Variants in RANBP2 observed in about 807,000 individuals in gnomAD.
RANBP2 encodes E3 SUMO-protein ligase RanBP2.
In RANBP2, 57 loss-of-function variants were observed where a neutral mutation model predicts 303.6. The observed-to-expected ratio is 0.19, with a 90% CI of 0.15 to 0.23. The LOEUF (loss-of-function observed/expected upper bound fraction) is 0.23, where lower values mean the gene tolerates loss of function less well. Among genes scored for constraint, RANBP2 ranks in the 10% least tolerant of loss-of-function variants. The pLI is 1.00. For missense variants in RANBP2, 3,138 were observed against 3,780.8 expected, an observed-to-expected ratio of 0.83 and a Z score of 4.46; for synonymous variants, 1,167 against 1,301.5, an observed-to-expected ratio of 0.90 and a Z score of 2.23.
chr2:109,380,598 G>A, the RANBP2 span, among the ~76,000 whole-genome samples: 9 of 152,224 alleles, frequency 5.9e-5, no homozygotes, highest in African/African-American at 2.2e-4. Flanking sequence ...CAGCCTCCCT[G>A]GGAGCTTCTG....
chr2:109,502,657 C>G, the RANBP2 span: 1 of 152,134 alleles, frequency 6.6e-6, no homozygotes, highest in Non-Finnish European at 1.5e-5. Flanking sequence ...TCTGTCTAGA[C>G]GGTGATGATT....
At chr2:109,541,036 A>G in the RANBP2 span, among the ~76,000 whole-genome samples, 4 of 152,202 alleles carry the variant, frequency 2.6e-5, no homozygotes, top group African/African-American at 7.2e-5. Flanking sequence ...TCTGGTTGTC[A>G]TACCTGTGCT....
chr2:108,797,203 A>G, the RANBP2 span, among the ~76,000 whole-genome samples: 2 of 152,200 alleles, frequency 1.3e-5, no homozygotes, highest in African/African-American at 2.4e-5. Context: ...AGCCCAAATC[A>G]TAAGGAATAT....
chr2:109,400,258 CA>C, the RANBP2 span, among the ~76,000 whole-genome samples: 4 of 151,638 alleles, frequency 2.6e-5, no homozygotes, highest in African/African-American at 9.7e-5. Flanking sequence ...GACACTTGAG[CA>C]CATGCCCGCC....
chr2:109,108,062 C>G, the RANBP2 span, among the ~76,000 whole-genome samples: 1 of 152,132 alleles, frequency 6.6e-6, no homozygotes, highest in African/African-American at 2.4e-5. Flanking sequence ...CCTGCCACCA[C>G]GCCCGGCCAG....
chr2:109,348,013 C>G, the RANBP2 span: 2 of 1,526,760 alleles, frequency 1.3e-6, no homozygotes, highest in South Asian at 2.5e-5. Flanking sequence ...CAGGGCTCTT[C>G]CCAGCCACAG....
the RANBP2 span, among the ~76,000 whole-genome samples, chr2:109,648,393 C>T: frequency 6.6e-6 from 1 of 152,128 alleles, no homozygotes; most frequent in Non-Finnish European, 1.5e-5. Flanking sequence ...CTCTTGTTGC[C>T]CAGGCTGGAA....
the RANBP2 span, among the ~76,000 whole-genome samples, chr2:108,836,964 A>G: frequency 6.6e-6 from 1 of 151,706 alleles, no homozygotes; most frequent in African/African-American, 2.4e-5. Context: ...TAATTGTGGA[A>G]TCTTTAGGAC....
the RANBP2 span, among the ~76,000 whole-genome samples, chr2:109,308,080 A>G: frequency 6.8e-6 from 1 of 146,406 alleles, no homozygotes; most frequent in Non-Finnish European, 1.5e-5. Context: ...CCTCTCCAGC[A>G]CCTGTTGTTT....
chr2:109,576,857 A>T, the RANBP2 span, among the ~76,000 whole-genome samples: 1 of 152,202 alleles, frequency 6.6e-6, no homozygotes, highest in South Asian at 2.1e-4. Flanking sequence ...GAGAAGATCT[A>T]ACATATATTT....
At chr2:109,188,772 G>A in the RANBP2 span, among the ~76,000 whole-genome samples, 44 of 152,260 alleles carry the variant, frequency 2.9e-4, no homozygotes, top group Non-Finnish European at 6.0e-4. Context: ...GAAGCCAAGC[G>A]TTACACTTTG....
the RANBP2 span, among the ~76,000 whole-genome samples, chr2:108,909,790 G>A: frequency 6.6e-6 from 1 of 152,206 alleles, no homozygotes; most frequent in Admixed American, 6.5e-5. Flanking sequence ...TGTGGTAAAC[G>A]CGGGAAAGGC....
the RANBP2 span, among the ~76,000 whole-genome samples, chr2:109,467,706 A>G: frequency 3.1e-4 from 47 of 152,346 alleles, no homozygotes; most frequent in African/African-American, 1.0e-3. Flanking sequence ...CATGATTTCC[A>G]TATCTATTTG....
At chr2:109,552,843 G>T in the RANBP2 span, 2 of 413,654 alleles carry the variant, frequency 4.8e-6, no homozygotes, top group African/African-American at 2.1e-5. Flanking sequence ...CCAGTTCATT[G>T]TAAGAATTTC....
At chr2:109,434,236 C>T in the RANBP2 span, among the ~76,000 whole-genome samples, 1 of 152,214 alleles carries the variant, frequency 6.6e-6, no homozygotes, top group South Asian at 2.1e-4. Flanking sequence ...CTGGGCTCGC[C>T]CGCCCTGCTG....
chr2:109,335,753 C>T, the RANBP2 span, among the ~76,000 whole-genome samples: 1 of 152,358 alleles, frequency 6.6e-6, no homozygotes, highest in South Asian at 2.1e-4. Context: ...GTAACGGGCA[C>T]TCATTCCGAT....
At chr2:109,667,292 G>A in the RANBP2 span, 2 of 691,916 alleles carry the variant, frequency 2.9e-6, no homozygotes, top group Non-Finnish European at 2.6e-6. Flanking sequence ...CTCATGAAAG[G>A]AAGGTCCTGT....
the RANBP2 span, chr2:108,816,225 C>A: frequency 4.3e-6 from 3 of 698,728 alleles, no homozygotes; most frequent in East Asian, 2.9e-5. Flanking sequence ...TCGAGCTGGG[C>A]AGATCACCTG....
the RANBP2 span, among the ~76,000 whole-genome samples, chr2:109,326,104 TAAGGACACACAC>T: frequency 6.6e-6 from 1 of 152,246 alleles, no homozygotes; most frequent in African/African-American, 2.4e-5. Flanking sequence ...GTAAAACATT[TAAGGACACACAC>T]GTATGTGGGT....
Sources: gnomAD v4.1 joint callset for allele counts (sites outside exome capture counted in the v4.1 genomes callset) on GRCh38, gnomAD v4.1.1 for gene constraint, MANE v1.5 for transcripts, NCBI Gene and HGNC (gene_info 2026-07-23, HGNC 2026-07-21) for gene names.